Variants in ELL observed in about 807,000 individuals in gnomAD.
The protein encoded by ELL is RNA polymerase II elongation factor ELL.
ELL carries 18 observed loss-of-function variants against 64.0 expected under a neutral mutation model. The observed-to-expected ratio is 0.28, with a 90% confidence interval of 0.19 to 0.42. ELL has a LOEUF of 0.42. Ranked by LOEUF, ELL falls within the 10% of genes least tolerant of loss-of-function variation. The pLI is 1.00. For synonymous variants in ELL, 399 were observed against 376.2 expected (o/e 1.06, Z -0.70); for missense variants, 797 against 870.4 (o/e 0.92, Z 1.06).
At chr19:18,450,326 G>T in intron 8 of ELL, 151 bp downstream of exon 8, 1 of 1,323,784 alleles carries the variant, frequency 7.6e-7, no homozygotes, top group Non-Finnish European at 1.0e-6. Context: ...CCAGGTGCCA[G>T]GCACACAGGG....
At chr19:18,485,514 A>C (rs1441787492) in intron 1 of ELL, among the ~76,000 whole-genome samples, 6 of 152,084 alleles carry the variant, frequency 3.9e-5, no homozygotes, top group Admixed American at 3.9e-4. Context: ...ATGGGAGCCC[A>C]TCTCCTCCCA....
chr19:18,490,733 G>A (rs752234455), intron 1 of ELL, among the ~76,000 whole-genome samples: 1 of 152,156 alleles, frequency 6.6e-6, no homozygotes, highest in Non-Finnish European at 1.5e-5. Flanking sequence ...GGCCCAGACA[G>A]CGCTGCCCCG....
Position 18,449,287 on chromosome 19 carries a change from G to A in ELL, c.1465+1190C>T, listed in dbSNP as rs534813513. ...AAATGGCAGATCCTGCCATTTGATC[G>A]TGGCCCAGGTCTGGCTGTGGGGTGT... On this transcript the variant is annotated intron_variant, in intron 8 of 11. Transcript: ENST00000262809. The surrounding 1 kb of genome is among the most constrained non-coding windows in gnomAD (Gnocchi z 4.4). Among the ~76,000 whole-genome samples the A allele has an allele frequency of 7.9e-5, 12 of 152,164 alleles. No homozygotes were observed. Among genetic ancestry groups the A allele is most frequent in the African/African-American group, 2.4e-4 (10 of 41,514 alleles).
chr19:18,482,554 T>A (rs1204086924), intron 1 of ELL, among the ~76,000 whole-genome samples: 1 of 152,050 alleles, frequency 6.6e-6, no homozygotes, highest in Non-Finnish European at 1.5e-5. Context: ...GCCAGGCTGA[T>A]CTCAAACTCC....
intron 1 of ELL, among the ~76,000 whole-genome samples, chr19:18,519,298 C>T (rs555676320): frequency 6.6e-6 from 1 of 151,834 alleles, no homozygotes; most frequent in East Asian, 1.9e-4. Context: ...AACTATATAA[C>T]CACAGCATCG....
chr19:18,446,396 C>A lies in ELL; in HGVS notation c.1617G>T (p.Leu539=). The change falls in exon 10 of 12, where the codon CTG becomes CTT. Residue 539 remains leucine, a synonymous_variant. Transcript: ENST00000262809. ...FNAEYSEYRD[L]HARIERITRR... ...GCGTGATGCGCTCAATGCGGGCGTG[C>A]AGGTCGCGGTACTCGCTGTACTCGG... The A allele has an allele frequency of 6.2e-7, 1 of 1,611,942 alleles. No individual in the cohort carries two copies. Among genetic ancestry groups the A allele is most frequent in the Non-Finnish European group, 8.5e-7 (1 of 1,179,728 alleles).
intron 1 of ELL, among the ~76,000 whole-genome samples, chr19:18,484,737 A>C (rs1160671565): frequency 2.0e-5 from 3 of 152,196 alleles, no homozygotes; most frequent in African/African-American, 7.2e-5. Flanking sequence ...CCTCAAGAGG[A>C]GTGCAAGAGT....
intron 5 of ELL, 56 bp downstream of exon 5, chr19:18,461,522 C>T (rs1035217996): frequency 1.3e-6 from 2 of 1,549,204 alleles, no homozygotes; most frequent in African/African-American, 1.3e-5. Flanking sequence ...ATCCCACCCG[C>T]ACAAGACCAT....
chr19:18,491,992 G>C lies in ELL; in HGVS notation c.136-19110C>G, dbSNP rs139176631. Among the ~76,000 whole-genome samples the C allele has an allele frequency of 3.3e-3, 502 of 152,244 alleles. 2 individuals are homozygous for C. Among genetic ancestry groups the C allele is most frequent in the African/African-American group, 0.011 (473 of 41,536 alleles). ...ACTCCCTTTAGATTCTGTTTTGAGA[G>C]CCCTGACCAATACAGACTCACAGGC... On this transcript the variant is annotated intron_variant, in intron 1 of 11. Coordinates refer to ENST00000262809, the MANE Select transcript of ELL (RefSeq NM_006532.4).
intron 6 of ELL, among the ~76,000 whole-genome samples, chr19:18,452,587 C>G (rs1280479941): frequency 6.6e-6 from 1 of 152,152 alleles, no homozygotes; most frequent in Non-Finnish European, 1.5e-5. Flanking sequence ...AATCCAGGGC[C>G]CAGAGCAAGA....
intron 2 of ELL, among the ~76,000 whole-genome samples, chr19:18,470,689 T>C (rs1328148683): frequency 1.3e-5 from 2 of 152,088 alleles, no homozygotes; most frequent in Non-Finnish European, 2.9e-5. Context: ...ACAAACCAGA[T>C]ACTGAAAGCA....
chr19:18,477,247 C>A (rs1399423721), intron 1 of ELL, among the ~76,000 whole-genome samples: 1 of 152,176 alleles, frequency 6.6e-6, no homozygotes, highest in Non-Finnish European at 1.5e-5. Flanking sequence ...TCACAGCAGG[C>A]ACCACAGAAG....
chr19:18,509,398 C>A (rs2144973636), intron 1 of ELL, among the ~76,000 whole-genome samples: 1 of 152,182 alleles, frequency 6.6e-6, no homozygotes, highest in South Asian at 2.1e-4. Context: ...GAGACAAGGC[C>A]ACCCCAAGCC....
chr19:18,512,715 G>C (rs1976051874), intron 1 of ELL, among the ~76,000 whole-genome samples: 1 of 152,176 alleles, frequency 6.6e-6, no homozygotes, highest in Admixed American at 6.6e-5. Flanking sequence ...TCAACGAGGA[G>C]AGCAGCTGAC....
chr19:18,486,969 C>T (rs1975431894), intron 1 of ELL, among the ~76,000 whole-genome samples: 1 of 152,204 alleles, frequency 6.6e-6, no homozygotes, highest in Non-Finnish European at 1.5e-5. Flanking sequence ...TGCAGCCAAC[C>T]AAAGCCTTCC....
chr19:18,511,242 G>A (rs532811167), intron 1 of ELL, among the ~76,000 whole-genome samples: 2 of 149,784 alleles, frequency 1.3e-5, no homozygotes, highest in African/African-American at 2.5e-5. Flanking sequence ...ACTCCAGCCT[G>A]GGTGACAGAG....
At chr19:18,477,645 G>A (rs1216889962) in intron 1 of ELL, among the ~76,000 whole-genome samples, 1 of 152,182 alleles carries the variant, frequency 6.6e-6, no homozygotes, top group Non-Finnish European at 1.5e-5. Context: ...AACACCGCCA[G>A]ACCACAATTC....
chr19:18,467,732 CCACA>C lies in ELL; in HGVS notation c.184-1818_184-1815del, dbSNP rs559721115. 9.7e-4 allele frequency among the ~76,000 whole-genome samples: 128 copies of C among 131,512 alleles called. 1 individual carries two copies. Among genetic ancestry groups the C allele is most frequent in the Middle Eastern group, 4.3e-3 (1 of 232 alleles). 86.3% of individuals were successfully genotyped at this position (131,512 alleles called of 152,430 possible). A position where few individuals can be genotyped will look rare whatever the true frequency, so the allele number is the denominator to read the frequency against. ...ACAATCCCCCACAACCACACAATCC[CCACA>C]CACACACAAACACAACCCCTCCACA... is the stretch of plus-strand genomic sequence containing the variant. On this transcript the variant is annotated intron_variant, in intron 2 of 11. Transcript: ENST00000262809.
chr19:18,446,570 G>A (rs1974421966), intron 9 of ELL, 90 bp from the exon 10 acceptor site: 6 of 1,531,770 alleles, frequency 3.9e-6, no homozygotes, highest in African/African-American at 1.4e-5. Flanking sequence ...CGGCGGCCTG[G>A]CCTCTCGGGT....
Sources: allele counts gnomAD v4.1 joint callset (sites outside exome capture counted in the v4.1 genomes callset), GRCh38; gene constraint gnomAD v4.1.1; non-coding constraint Gnocchi (gnomAD v3.1); transcripts MANE v1.5; gene names NCBI Gene and HGNC (gene_info 2026-07-23, HGNC 2026-07-21).